Variants in DDX6 observed in about 807,000 individuals in gnomAD.
DDX6 encodes the protein probable ATP-dependent RNA helicase DDX6.
A neutral mutation model predicts 60.6 loss-of-function variants in DDX6; 7 were observed. The observed-to-expected ratio is 0.12, with a 90% CI of 0.07 to 0.22. DDX6 has a LOEUF of 0.22. DDX6 is among the 10% of genes least tolerant of loss of function. The pLI is 1.00. For missense variants in DDX6, 270 were observed against 589.9 expected (o/e 0.46, Z 5.62); for synonymous variants, 207 against 201.0 (o/e 1.03, Z -0.25).
At chr11:118,768,505 TA>T (rs1192161696) in intron 4 of DDX6, among the ~76,000 whole-genome samples, 153 bp from the exon 5 acceptor site, 1 of 152,208 alleles carries the variant, frequency 6.6e-6, no homozygotes, top group Non-Finnish European at 1.5e-5. Flanking sequence ...GAGATCCAAG[TA>T]AATCAGCACG....
In DDX6 at chr11:118,751,595, T is replaced by C. The variant is rs781880551; in HGVS notation, c.*510A>G. 3.9e-5 allele frequency: 6 copies of C among 153,594 alleles called. No homozygotes were observed. The highest frequency in any genetic ancestry group is 5.8e-5 in the Non-Finnish European group (4 of 68,592). The allele number at this position is 153,594 out of a possible 1,614,324, so 9.5% of individuals were successfully genotyped here. Reference sequence around the variant, plus strand: ...GGAAAGAAAGAGTTACTATTGTTGATTCCTCGGGCTGTGTCTAAAAGATGA... The same window carrying C: ...GGAAAGAAAGAGTTACTATTGTTGACTCCTCGGGCTGTGTCTAAAAGATGA... On this transcript the variant is annotated 3_prime_UTR_variant, in exon 14 of 14. Transcript: ENST00000534980.
intron 3 of DDX6, among the ~76,000 whole-genome samples, chr11:118,780,146 A>C (rs1861846649): frequency 6.7e-6 from 1 of 148,206 alleles, no homozygotes; most frequent in African/African-American, 2.5e-5. Context: ...AAAAAAGGAA[A>C]GAAAACTTCT....
intron 12 of DDX6, 88 bp downstream of exon 12, chr11:118,755,314 G>GTAC: frequency 1.3e-6 from 1 of 758,512 alleles, no homozygotes; most frequent in Non-Finnish European, 2.3e-6. Context: ...CATAGCTACT[G>GTAC]TACTCTATTT....
intron 4 of DDX6, among the ~76,000 whole-genome samples, chr11:118,776,726 G>A (rs1422823629): frequency 4.0e-5 from 6 of 151,888 alleles, no homozygotes; most frequent in Middle Eastern, 6.8e-3. Flanking sequence ...CCCGCTATTC[G>A]GGAGGCTGAG....
intron 1 of DDX6, chr11:118,789,918 CAAAAACAAAAAACAA>C (rs969777485): frequency 8.3e-4 from 124 of 148,798 alleles, no homozygotes; most frequent in African/African-American, 2.7e-3. Context: ...TCTACATTTT[CAAAAACAAAAAACAA>C]AAAAACAAAA....
At chr11:118,779,510 GA>G in intron 4 of DDX6, 121 bp downstream of exon 4, 1 of 594,722 alleles carries the variant, frequency 1.7e-6, no homozygotes, top group South Asian at 2.6e-5. Flanking sequence ...AAAAATTTCA[GA>G]AAAAGTGTGT....
In DDX6 at chr11:118,748,815, C is replaced by G. The variant is rs1366658984; in HGVS notation, c.*3290G>C. The stretch of plus-strand genomic sequence containing the variant: ...TGTTTTGATTCCAACAATTTATACT[C>G]AAGGCTTTGTGCTGAGTTGTCGTTT... On this transcript the variant is annotated 3_prime_UTR_variant, in exon 14 of 14. Transcript: ENST00000534980. 9 of 148,682 alleles carry G rather than the reference C, an allele frequency of 6.1e-5. No individual in the cohort carries two copies. The highest frequency in any genetic ancestry group is 5.5e-4 in the Admixed American group (8 of 14,506). 9.2% of individuals were successfully genotyped at this position (148,682 alleles called of 1,614,324 possible). A position where few individuals can be genotyped will look rare whatever the true frequency, so the allele number is the denominator to read the frequency against.
At chr11:118,771,426 T>C (rs781847802) in intron 4 of DDX6, among the ~76,000 whole-genome samples, 2 of 152,222 alleles carry the variant, frequency 1.3e-5, no homozygotes, top group African/African-American at 4.8e-5. Flanking sequence ...GTACATGTGA[T>C]AGACTGTAAG....
chr11:118,778,433 G>A (rs1219346465), intron 4 of DDX6, among the ~76,000 whole-genome samples: 1 of 152,136 alleles, frequency 6.6e-6, no homozygotes, highest in African/African-American at 2.4e-5. Context: ...AATAAAAAAT[G>A]TTTCTACAAA....
At chr11:118,787,978 CCA>C (rs1176556163) in intron 1 of DDX6, 3 of 151,004 alleles carry the variant, frequency 2.0e-5, no homozygotes, top group Non-Finnish European at 4.4e-5. Context: ...TCCAAGAAAT[CCA>C]GAGTAGTAAA....
In DDX6 at chr11:118,785,925, A is replaced by G. The variant is rs569712328; in HGVS notation, c.200+127T>C. 3.4e-4 allele frequency: 285 copies of G among 833,714 alleles called. 2 individuals carry two copies. Among genetic ancestry groups the G allele is most frequent in the Non-Finnish European group, 4.7e-4 (264 of 556,668 alleles). 51.6% of individuals were successfully genotyped at this position (833,714 alleles called of 1,614,324 possible). On this transcript the variant is annotated intron_variant, in intron 2 of 13. Transcript: ENST00000534980. ...GCAAATACCTACTGGCCATAAAACA[A>G]AGTCATCTGTCCTCTATTTGGAATC...
chr11:118,768,365 A>G lies in DDX6; in HGVS notation c.370-13T>C, dbSNP rs1555161704. The G allele has an allele frequency of 6.2e-7, 1 of 1,610,892 alleles. No homozygotes were observed. The highest frequency in any genetic ancestry group is 1.7e-5 in the Admixed American group (1 of 59,918). ...GAATGCTCTCCTCCTAAAAGAGATA[A>G]GACAATACAAAATTACTTCTGAATG... On this transcript the variant is annotated splice_polypyrimidine_tract_variant and intron_variant, in intron 4 of 13. Transcript: ENST00000534980.
intron 2 of DDX6, 82 bp downstream of exon 2, chr11:118,785,968 GCA>G: frequency 7.8e-7 from 1 of 1,289,094 alleles, no homozygotes; most frequent in African/African-American, 1.5e-5. Context: ...TTAAATTAAG[GCA>G]TAAGTATTAA....
At chr11:118,764,852 T>A (rs1861299699) in intron 6 of DDX6, among the ~76,000 whole-genome samples, 1 of 117,734 alleles carries the variant, frequency 8.5e-6, no homozygotes, top group African/African-American at 3.4e-5. Context: ...TATATACATT[T>A]ATAATTTTAA....
Position 118,756,294 on chromosome 11 carries a change from G to A in DDX6, c.1140C>T (p.Phe380=). The change falls in exon 11 of 14, where the codon TTC becomes TTT. Residue 380 remains phenylalanine (F), a synonymous_variant. Transcript: ENST00000534980. ...QEHRNRVFHD[F]RNGLCRNLVC... The stretch of plus-strand genomic sequence containing the variant: ...CAAGATTGCGGCATAAGCCATTTCG[G>A]AAATCATGAAATACACGATTTCGAT... 4 of 1,613,544 alleles carry A rather than the reference G, an allele frequency of 2.5e-6. No individual in the cohort carries two copies. The highest frequency in any genetic ancestry group is 3.4e-6 in the Non-Finnish European group (4 of 1,179,662).
In DDX6 at chr11:118,748,857, TATC is replaced by T; in HGVS notation, c.*3245_*3247del. On this transcript the variant is annotated 3_prime_UTR_variant, in exon 14 of 14. Transcript: ENST00000534980. ...TTGTCGTTTGAACCAAGCATGATGT[TATC>T]AAGCACAAAGCACGTGGCAAAGGAA... The T allele has an allele frequency of 6.6e-6, 1 of 152,312 alleles. No individual in the cohort carries two copies. The highest frequency in any genetic ancestry group is 2.1e-4 in the South Asian group (1 of 4,828). The allele number at this position is 152,312 out of a possible 1,614,324, so 9.4% of individuals were successfully genotyped here. A position where few individuals can be genotyped will look rare whatever the true frequency, so the allele number is the denominator to read the frequency against.
At chr11:118,758,594 A>G (rs1425378093) in intron 9 of DDX6, among the ~76,000 whole-genome samples, 180 bp downstream of exon 9, 2 of 152,160 alleles carry the variant, frequency 1.3e-5, no homozygotes, top group Non-Finnish European at 2.9e-5. Context: ...GCTGGTCTCA[A>G]ACTCCTGACC....
At chr11:118,752,319 C>T (rs1414173046) in intron 13 of DDX6, among the ~76,000 whole-genome samples, 2 of 152,148 alleles carry the variant, frequency 1.3e-5, no homozygotes, top group Admixed American at 1.3e-4. Context: ...GCAGGCAGCC[C>T]TCACTCGTAA....
chr11:118,772,929 G>C (rs1490509555), intron 4 of DDX6, among the ~76,000 whole-genome samples: 1 of 152,136 alleles, frequency 6.6e-6, no homozygotes, highest in Non-Finnish European at 1.5e-5. Context: ...CTGGGCCAGC[G>C]GAATGTTGCC....
Sources: gnomAD v4.1 joint callset for allele counts (sites outside exome capture counted in the v4.1 genomes callset) on GRCh38, gnomAD v4.1.1 for gene constraint, MANE v1.5 for transcripts, NCBI Gene and HGNC (gene_info 2026-07-23, HGNC 2026-07-21) for gene names.